PDE1B: variants seen among roughly 807,000 people sequenced by gnomAD.
PDE1B encodes the protein dual specificity calcium/calmodulin-dependent 3',5'-cyclic nucleotide phosphodiesterase 1B.
PDE1B carries 13 observed loss-of-function variants against 66.7 expected under a neutral mutation model. The ratio of observed to expected loss-of-function variants is 0.19; its 90% CI spans 0.13 to 0.31. PDE1B has a LOEUF of 0.31. PDE1B is among the 10% of genes least tolerant of loss of function. The pLI is 1.00. For synonymous variants in PDE1B, 230 were observed against 253.9 expected, an observed-to-expected ratio of 0.91 and a Z score of 0.90; for missense variants, 485 against 682.3, an observed-to-expected ratio of 0.71 and a Z score of 3.22.
At chr12:54,561,779 T>TGTGC (rs1453678362) in intron 2 of PDE1B, 1 of 508,942 alleles carries the variant, frequency 2.0e-6, no homozygotes, top group East Asian at 3.3e-5. Flanking sequence ...TGTGTGTGTG[T>TGTGC]GTGCGCGTGC....
chr12:54,549,740 G>A lies in PDE1B; in HGVS notation c.-46G>A. On this transcript the variant is annotated 5_prime_UTR_variant, in exon 1 of 16. Transcript: ENST00000243052. ...TCTGCCAGCTTGGGCCGAGCCTAGA[G>A]ACACCGGCCTGGCTGGTCCACGCCA... The A allele has an allele frequency of 1.5e-6, 1 of 663,352 alleles. No individual in the cohort carries two copies. The highest frequency in any genetic ancestry group is 2.6e-6 in the Non-Finnish European group (1 of 381,104). 41.1% of individuals were successfully genotyped at this position (663,352 alleles called of 1,614,324 possible).
At chr12:54,567,354 T>A (rs1398498740) in intron 3 of PDE1B, among the ~76,000 whole-genome samples, 2 of 148,312 alleles carry the variant, frequency 1.3e-5, no homozygotes, top group African/African-American at 5.0e-5. Context: ...AAAAAAAAAA[T>A]TAGCCAGGCA....
Position 54,572,654 on chromosome 12 carries a change from GA to G in PDE1B, c.650del (p.Lys217SerfsTer87). 2 of 1,613,694 alleles carry G rather than the reference GA, an allele frequency of 1.2e-6. No individual in the cohort carries two copies. The highest frequency in any genetic ancestry group is 1.7e-6 in the Non-Finnish European group (2 of 1,179,588). ...TGGATGCCTTGGAGACAGGCTATGG[GA>G]AGTACAAGAATCCTTACCACAACCA... is the stretch of plus-strand genomic sequence containing the variant. ...FLDALETGYG[K>X]YKNPYHNQIH... is the part of the protein sequence containing the mutation. On this transcript the variant is annotated frameshift_variant, in exon 7 of 16. Transcript: ENST00000243052. LOFTEE classifies it high-confidence loss of function.
Position 54,575,303 on chromosome 12 carries a change from T to C in PDE1B, c.1185+85T>C. The C allele has an allele frequency of 8.1e-7, 1 of 1,237,828 alleles. No homozygotes were observed. Among genetic ancestry groups the C allele is most frequent in the Non-Finnish European group, 1.2e-6 (1 of 849,288 alleles). 76.7% of individuals were successfully genotyped at this position (1,237,828 alleles called of 1,614,324 possible). A position where few individuals can be genotyped will look rare whatever the true frequency, so the allele number is the denominator to read the frequency against. ...CCAAGTTCCCCAATCCTGTTCCACA[T>C]CCTCCTTTTGCTACCTGTAGTCTCT... On this transcript the variant is annotated intron_variant, in intron 11 of 15. Transcript: ENST00000243052. This position sits in a 1 kb window ranked among gnomAD's most constrained non-coding sequence, Gnocchi z 4.0.
At chr12:54,566,919 T>C in intron 2 of PDE1B, 55 bp from the exon 3 acceptor site, 1 of 856,780 alleles carries the variant, frequency 1.2e-6, no homozygotes, top group Non-Finnish European at 2.0e-6. Context: ...GAGTATGCTG[T>C]TCTCATGATA....
Position 54,577,340 on chromosome 12 carries a change from G to C in PDE1B, c.*12G>C. 1 of 1,613,662 alleles carries C rather than the reference G, an allele frequency of 6.2e-7. No homozygotes were observed. The highest frequency in any genetic ancestry group is 8.5e-7 in the Non-Finnish European group (1 of 1,179,810). ...GGAATCTGGATTAGCCCTGGGGCTG[G>C]CCCAGGTGAGCCTGTTGTGGTGGAG... On this transcript the variant is annotated 3_prime_UTR_variant, in exon 15 of 16. Transcript: ENST00000243052.
At chr12:54,568,467 T>TACACAC (rs56360853) in intron 3 of PDE1B, among the ~76,000 whole-genome samples, 14,557 of 143,172 alleles carry the variant, frequency 0.1, 833 homozygotes, top group Non-Finnish European at 0.12. Context: ...TGTCTAAAAA[T>TACACAC]ACACACACAC....
intron 2 of PDE1B, among the ~76,000 whole-genome samples, chr12:54,551,848 A>C (rs1957282191): frequency 6.6e-6 from 1 of 152,194 alleles, no homozygotes; most frequent in African/African-American, 2.4e-5. Flanking sequence ...GCCTTAGCTG[A>C]GATGTCCTTA....
chr12:54,575,325 C>A lies in PDE1B; in HGVS notation c.1185+107C>A. On this transcript the variant is annotated intron_variant, in intron 11 of 15. Transcript: ENST00000243052. The surrounding 1 kb of genome is among the most constrained non-coding windows in gnomAD (Gnocchi z 4.0). ...ACATCCTCCTTTTGCTACCTGTAGT[C>A]TCTGACCTGATCCCAAATCCTTGGG... The A allele has an allele frequency of 9.8e-7, 1 of 1,021,196 alleles. No individual in the cohort carries two copies. The highest frequency in any genetic ancestry group is 1.5e-6 in the Non-Finnish European group (1 of 661,046). The allele number at this position is 1,021,196 out of a possible 1,614,324, so 63.3% of individuals were successfully genotyped here.
At chr12:54,560,423 C>T (rs936293183) in intron 2 of PDE1B, among the ~76,000 whole-genome samples, 1 of 152,184 alleles carries the variant, frequency 6.6e-6, no homozygotes, top group East Asian at 1.9e-4. Flanking sequence ...TACCACATCA[C>T]CCGCAGCCAT....
At chr12:54,563,708 G>T (rs77342416) in intron 2 of PDE1B, among the ~76,000 whole-genome samples, 1 of 152,140 alleles carries the variant, frequency 6.6e-6, no homozygotes, top group Non-Finnish European at 1.5e-5. Flanking sequence ...GCCTTTTAAT[G>T]TATTATATCA....
intron 6 of PDE1B, chr12:54,571,258 C>T (rs562877317): frequency 6.6e-6 from 1 of 152,374 alleles, no homozygotes; most frequent in South Asian, 2.1e-4. Flanking sequence ...CCTCCTTTTA[C>T]AACAACTCCC....
chr12:54,577,589 G>A (rs562521971), intron 15 of PDE1B: 7 of 1,499,982 alleles, frequency 4.7e-6, no homozygotes, highest in East Asian at 2.3e-5. Context: ...GCAGAACAGG[G>A]TGGGCCCATG....
At position 54,549,660 on chromosome 12, in the gene PDE1B, G is replaced by A; in HGVS notation, c.-126G>A. 2.0e-6 allele frequency: 1 copy of A among 495,332 alleles called. No individual in the cohort carries two copies. Among genetic ancestry groups the A allele is most frequent in the Non-Finnish European group, 3.6e-6 (1 of 280,458 alleles). The allele number at this position is 495,332 out of a possible 1,614,324, so 30.7% of individuals were successfully genotyped here. On this transcript the variant is annotated 5_prime_UTR_variant, in exon 1 of 16. Coordinates refer to ENST00000243052, the MANE Select transcript of PDE1B (RefSeq NM_000924.4). ...AGCGGCGGTGCGGAGAGCTTGGACT[G>A]GGAGCCCAAAGCTCGGCTGGGCAGC...
intron 2 of PDE1B, among the ~76,000 whole-genome samples, chr12:54,563,173 GTCA>G (rs2121080720): frequency 6.6e-6 from 1 of 152,272 alleles, no homozygotes; most frequent in Non-Finnish European, 1.5e-5. Flanking sequence ...CACTGTCAGC[GTCA>G]TCAAGACACT....
chr12:54,558,643 G>GCCTCCACTC, intron 2 of PDE1B, among the ~76,000 whole-genome samples: 1 of 152,264 alleles, frequency 6.6e-6, no homozygotes, highest in South Asian at 2.1e-4. Context: ...TGCCTCCACT[G>GCCTCCACTC]CCTCCCCAGG....
chr12:54,576,748 T>TGGCGATCAGTGGGTTGAGATAA, intron 14 of PDE1B, 47 bp downstream of exon 14: 1 of 1,559,488 alleles, frequency 6.4e-7, no homozygotes, highest in Non-Finnish European at 8.7e-7. Context: ...TGTGGGTGGA[T>TGGCGATCAGTGGGTTGAGATAA]CATGGAGCAC....
At chr12:54,558,448 G>C (rs900902479) in intron 2 of PDE1B, among the ~76,000 whole-genome samples, 2 of 152,108 alleles carry the variant, frequency 1.3e-5, no homozygotes, top group African/African-American at 4.8e-5. Context: ...TTGCCACTGG[G>C]GGGCTATTTT....
intron 2 of PDE1B, among the ~76,000 whole-genome samples, chr12:54,553,528 GAGTCT>G (rs1360035458): frequency 1.1e-4 from 16 of 152,208 alleles, no homozygotes; most frequent in South Asian, 4.1e-4. Context: ...TGTTTCATCA[GAGTCT>G]AGTGTGATAC....
Sources: gnomAD v4.1 joint callset for allele counts (sites outside exome capture counted in the v4.1 genomes callset) on GRCh38, gnomAD v4.1.1 for gene constraint, Gnocchi (gnomAD v3.1) non-coding constraint, MANE v1.5 for transcripts, NCBI Gene and HGNC (gene_info 2026-07-23, HGNC 2026-07-21) for gene names.